TTBK1: variants seen among roughly 807,000 people sequenced by gnomAD.
TTBK1 encodes the protein tau-tubulin kinase 1.
In TTBK1, 34 loss-of-function variants were observed where a neutral mutation model predicts 108.5. The observed-to-expected ratio is 0.31, with a 90% CI of 0.24 to 0.42. TTBK1 has a LOEUF of 0.42. Ranked by LOEUF, TTBK1 falls within the 10% of genes least tolerant of loss-of-function variation. The probability of loss-of-function intolerance (pLI) is 1.00; values close to 1 mark genes in which losing one functional copy is unlikely to be tolerated. For missense variants in TTBK1, 1,539 were observed against 1,826.0 expected (o/e 0.84, Z 2.86); for synonymous variants, 809 against 795.1 (o/e 1.02, Z -0.29).
rs866882217 is a variant in TTBK1 at position 43,269,030 on chromosome 6, G to A, written c.1986+5680G>A. Among the ~76,000 whole-genome samples, 1 of 152,204 alleles carries A rather than the reference G, an allele frequency of 6.6e-6. No individual in the cohort carries two copies. The highest frequency in any genetic ancestry group is 2.4e-5 in the African/African-American group (1 of 41,444). ...AGAGGAGGAAGCTGAGGCTCAGAGA[G>A]GTGCAGTAACTTGCTCAAGGTCACT... On this transcript the variant is annotated intron_variant, in intron 13 of 14. Transcript: ENST00000259750. The surrounding 1 kb of genome is among the most constrained non-coding windows in gnomAD (Gnocchi z 4.8).
At chr6:43,252,655 A>G in intron 2 of TTBK1, 84 bp from the exon 3 acceptor site, 1 of 1,505,678 alleles carries the variant, frequency 6.6e-7, no homozygotes, top group Admixed American at 2.0e-5. Context: ...TTCCCCACCA[A>G]TGAAGGATGC....
intron 13 of TTBK1, among the ~76,000 whole-genome samples, chr6:43,278,858 A>G (rs879691919): frequency 1.3e-4 from 20 of 152,300 alleles, no homozygotes; most frequent in Middle Eastern, 6.8e-3. Context: ...GGAAGGGCAG[A>G]GGGACTTTGA....
Position 43,259,414 on chromosome 6 carries a change from G to A in TTBK1, c.1249-117G>A, listed in dbSNP as rs886224300. ...TGCCTCTGTTTCCCGGTCCCTCCCC[G>A]CACTAGCCTCGCTGTGTCTTCCATC... On this transcript the variant is annotated intron_variant, in intron 11 of 14. Coordinates refer to ENST00000259750, the MANE Select transcript of TTBK1 (RefSeq NM_032538.3). The surrounding 1 kb of genome is among the most constrained non-coding windows in gnomAD (Gnocchi z 6.7). The A allele has an allele frequency of 1.1e-5, 14 of 1,329,060 alleles. No homozygotes were observed. In the Admixed American group the frequency reaches 1.6e-4, roughly 16 times the overall value. 82.3% of individuals were successfully genotyped at this position (1,329,060 alleles called of 1,614,324 possible).
chr6:43,273,665 A>G lies in TTBK1; in HGVS notation c.1987-9062A>G, dbSNP rs916152436. On this transcript the variant is annotated intron_variant, in intron 13 of 14. Transcript: ENST00000259750. This position sits in a 1 kb window ranked among gnomAD's most constrained non-coding sequence, Gnocchi z 4.2. ...ACAGTGTCAGGGAAGTGGCAGGTTC[A>G]GGGACTGTGGTAAACAGGGGAACTC... Among the ~76,000 whole-genome samples, 1 of 152,210 alleles carries G rather than the reference A, an allele frequency of 6.6e-6. No individual in the cohort carries two copies. The highest frequency in any genetic ancestry group is 3.2e-3 in the Middle Eastern group (1 of 316).
rs908533599 is a variant in TTBK1 at position 43,253,093 on chromosome 6, C to T, written c.257-198C>T. ...CTAAGACAGTGATGGGGCAGGAGGCCGGGTTGGTGATCAAGGAAGTAATCG... is the reference window on the plus strand; with the variant it reads ...CTAAGACAGTGATGGGGCAGGAGGCTGGGTTGGTGATCAAGGAAGTAATCG... On this transcript the variant is annotated intron_variant, in intron 3 of 14. Transcript: ENST00000259750. This position sits in a 1 kb window ranked among gnomAD's most constrained non-coding sequence, Gnocchi z 5.8. 3.6e-4 allele frequency among the ~76,000 whole-genome samples: 55 copies of T among 151,950 alleles called. No homozygotes were observed. The highest frequency in any genetic ancestry group is 1.2e-3 in the African/African-American group (50 of 41,416).
In TTBK1 at chr6:43,273,682, G is replaced by T. The variant is rs1201190506; in HGVS notation, c.1987-9045G>T. 6.6e-6 allele frequency among the ~76,000 whole-genome samples: 1 copy of T among 152,206 alleles called. No homozygotes were observed. Reference sequence around the variant, plus strand: ...GCAGGTTCAGGGACTGTGGTAAACAGGGGAACTCCCATGCCCATACCATCC... The same window carrying T: ...GCAGGTTCAGGGACTGTGGTAAACATGGGAACTCCCATGCCCATACCATCC... On this transcript the variant is annotated intron_variant, in intron 13 of 14. Coordinates refer to ENST00000259750, the MANE Select transcript of TTBK1 (RefSeq NM_032538.3). This position sits in a 1 kb window ranked among gnomAD's most constrained non-coding sequence, Gnocchi z 4.2.
In TTBK1 at chr6:43,259,257, C is replaced by A; in HGVS notation, c.1236C>A (p.Ile412=). The A allele has an allele frequency of 6.5e-7, 1 of 1,549,748 alleles. No homozygotes were observed. Among genetic ancestry groups the A allele is most frequent in the African/African-American group, 1.4e-5 (1 of 72,938 alleles). Residue 412 remains isoleucine (I), a synonymous_variant, in exon 11 of 15, where the codon ATC becomes ATA. Coordinates refer to ENST00000259750, the MANE Select transcript of TTBK1 (RefSeq NM_032538.3). The surrounding 1 kb of genome is among the most constrained non-coding windows in gnomAD (Gnocchi z 6.7). ...ATGTCAACCGGAACAAACTCCGGAT[C>A]AACATCGGCAAAGTAACTGCCGCCA... ...ETDVNRNKLR[I]NIGKSPCVEE... is the part of the protein sequence containing the mutation.
At chr6:43,284,960 T>A in intron 14 of TTBK1, 23 bp from the exon 15 acceptor site, 1 of 1,505,838 alleles carries the variant, frequency 6.6e-7, no homozygotes, top group Non-Finnish European at 8.8e-7. Flanking sequence ...TCTTCTTTTC[T>A]CCTGCCTTCT....
At chr6:43,260,616 G>A (rs1375233352) in intron 12 of TTBK1, among the ~76,000 whole-genome samples, 2 of 152,218 alleles carry the variant, frequency 1.3e-5, no homozygotes, top group African/African-American at 4.8e-5. Context: ...TCTCCCTGGA[G>A]ACGGAGAAAT....
At chr6:43,255,431 T>C (rs1777357551) in intron 7 of TTBK1, 121 bp from the exon 8 acceptor site, 2 of 917,468 alleles carry the variant, frequency 2.2e-6, no homozygotes, top group Non-Finnish European at 1.7e-6. Context: ...GAGACCCCAG[T>C]TCTGTCCTTA....
In TTBK1 at chr6:43,282,994, GA is replaced by G. The variant is rs1414843830; in HGVS notation, c.2256del (p.Glu753ArgfsTer92). The stretch of plus-strand genomic sequence containing the variant: ...AGAGGAAGAAGAGGATGAGGAAGAA[GA>G]AGAGGAGGAAGAGGAAGAGGAGGAG... ...EEEEEEDEEE[E>X]EEEEEEEEEE... On this transcript the variant is annotated frameshift_variant, in exon 14 of 15. Transcript: ENST00000259750. LOFTEE classifies it high-confidence loss of function. This position sits in a 1 kb window ranked among gnomAD's most constrained non-coding sequence, Gnocchi z 5.4. The G allele has an allele frequency of 1.2e-6, 2 of 1,600,238 alleles. No homozygotes were observed. The highest frequency in any genetic ancestry group is 1.1e-5 in the South Asian group (1 of 89,720).
rs1778179070 is a variant in TTBK1 at position 43,282,059 on chromosome 6, G to C, written c.1987-668G>C. Among the ~76,000 whole-genome samples the C allele has an allele frequency of 6.6e-6, 1 of 152,244 alleles. No individual in the cohort carries two copies. Among genetic ancestry groups the C allele is most frequent in the Non-Finnish European group, 1.5e-5 (1 of 68,034 alleles). The stretch of plus-strand genomic sequence containing the variant: ...AGCTCAAGTATACCTGTCGAGGGCT[G>C]GACAAATTCCTGGCTGAGAGGATGG... On this transcript the variant is annotated intron_variant, in intron 13 of 14. Coordinates refer to ENST00000259750, the MANE Select transcript of TTBK1 (RefSeq NM_032538.3). This position sits in a 1 kb window ranked among gnomAD's most constrained non-coding sequence, Gnocchi z 5.4.
chr6:43,275,896 A>G (rs1471725782), intron 13 of TTBK1, among the ~76,000 whole-genome samples: 1 of 151,396 alleles, frequency 6.6e-6, no homozygotes, highest in Non-Finnish European at 1.5e-5. Flanking sequence ...TCCGTGGGGG[A>G]GGGGGCGGGG....
chr6:43,246,292 G>T (rs1777083790), intron 1 of TTBK1, among the ~76,000 whole-genome samples: 1 of 152,204 alleles, frequency 6.6e-6, no homozygotes, highest in South Asian at 2.1e-4. Context: ...TCCCAGTCTG[G>T]TATGCCCCCT....
In TTBK1 at chr6:43,250,442, C is replaced by A. The variant is rs188742795; in HGVS notation, c.109-2297C>A. Among the ~76,000 whole-genome samples, 608 of 150,920 alleles carry A rather than the reference C, an allele frequency of 4.0e-3. 4 individuals are homozygous for A. The highest frequency in any genetic ancestry group is 0.014 in the African/African-American group (562 of 40,938). Reference sequence around the variant, plus strand: ...CGTGATCTCAGCTCACTGCAGCCTCCGCCTCCCGGGTTCAAGTGATTCTCC... The same window carrying A: ...CGTGATCTCAGCTCACTGCAGCCTCAGCCTCCCGGGTTCAAGTGATTCTCC... On this transcript the variant is annotated intron_variant, in intron 2 of 14. Transcript: ENST00000259750.
At chr6:43,281,513 G>A (rs1285112355) in intron 13 of TTBK1, among the ~76,000 whole-genome samples, 4 of 152,208 alleles carry the variant, frequency 2.6e-5, no homozygotes, top group Non-Finnish European at 5.9e-5. Flanking sequence ...GGACGGCAGT[G>A]CAGAATGGAG....
Position 43,246,793 on chromosome 6 carries a change from G to C in TTBK1, c.108+25G>C, listed in dbSNP as rs1225983416. ...GGTGAGTGAGTGACCCGGCGGGACA[G>C]AGGGAGGGTAGCGGGGAGGGAGGCG... On this transcript the variant is annotated intron_variant, in intron 2 of 14. Transcript: ENST00000259750. 4 of 1,586,614 alleles carry C rather than the reference G, an allele frequency of 2.5e-6. No homozygotes were observed. In the Admixed American group the frequency reaches 5.2e-5, roughly 21 times the overall value.
At position 43,262,957 on chromosome 6, in the gene TTBK1, G is replaced by A. The variant is rs746272934; in HGVS notation, c.1593G>A (p.Pro531=). Residue 531 remains proline, a synonymous_variant, in exon 13 of 15, where the codon CCG becomes CCA. Coordinates refer to ENST00000259750, the MANE Select transcript of TTBK1 (RefSeq NM_032538.3). Reference sequence around the variant, plus strand: ...TGAGCAACGCCTTCCGCTCGGTGCCGCTGGCTGAGGAGGAGGATTTCGACA... The same window carrying A: ...TGAGCAACGCCTTCCGCTCGGTGCCACTGGCTGAGGAGGAGGATTTCGACA... ...EALSNAFRSV[P]LAEEEDFDSK... 1.4e-5 allele frequency: 23 copies of A among 1,613,586 alleles called. No homozygotes were observed. The highest frequency in any genetic ancestry group is 5.3e-5 in the African/African-American group (4 of 74,944).
chr6:43,284,754 A>C (rs901557725), intron 14 of TTBK1, among the ~76,000 whole-genome samples: 1 of 152,120 alleles, frequency 6.6e-6, no homozygotes, highest in Admixed American at 6.5e-5. Flanking sequence ...ACCCCAAAGA[A>C]AGCCAGCAGC....
Sources: allele counts gnomAD v4.1 joint callset (sites outside exome capture counted in the v4.1 genomes callset), GRCh38; gene constraint gnomAD v4.1.1; non-coding constraint Gnocchi (gnomAD v3.1); transcripts MANE v1.5; gene names NCBI Gene and HGNC (gene_info 2026-07-23, HGNC 2026-07-21).